The following RGN variants were observed in gnomAD, a reference collection of about 807,000 sequenced individuals.
RGN encodes the protein regucalcin, also known as epididymis secretory protein Li 41.
A neutral mutation model predicts 20.6 loss-of-function variants in RGN; 19 were observed. The observed-to-expected ratio is 0.92, with a 90% confidence interval of 0.64 to 1.35. The LOEUF is 1.35. Ranked by LOEUF, RGN falls within the 40% of genes most tolerant of loss-of-function variation. RGN has a pLI of 0.00. For missense variants in RGN, 302 were observed against 232.7 expected (o/e 1.30, Z -1.94); for synonymous variants, 85 against 87.2 (o/e 0.97, Z 0.14).
rs1930835934 is a variant in RGN at position 47,089,624 on chromosome X, C to CAG, written c.347-151_347-150insGA. On this transcript the variant is annotated intron_variant, in intron 4 of 7. Transcript: ENST00000397180. ...ACACACACACACACACACACACACA[C>CAG]ACACACACATATATATATATGGCCC... 9 of 166,335 alleles carry CAG rather than the reference C, an allele frequency of 5.4e-5. No homozygotes were observed. The East Asian group carries it at 1.1e-3, about 19-fold the overall frequency. 13.7% of individuals were successfully genotyped at this position (166,335 alleles called of 1,213,427 possible).
chrX:47,080,328 C>CT lies in RGN; in HGVS notation c.-623dup, dbSNP rs782116822. 2 of 112,188 alleles carry CT rather than the reference C, an allele frequency of 1.8e-5. No individual in the cohort carries two copies. The highest frequency in any genetic ancestry group is 3.8e-5 in the Non-Finnish European group (2 of 53,268). 9.2% of individuals were successfully genotyped at this position (112,188 alleles called of 1,213,427 possible). On this transcript the variant is annotated 5_prime_UTR_variant, in exon 2 of 8. Coordinates refer to ENST00000397180, the MANE Select transcript of RGN (RefSeq NM_152869.4). ...TTTCTCCTTTTCAGATAATTTTTCTCTGTCTTCTCCCAGTTCGCTGGTCAT... is the reference window on the plus strand; with the variant it reads ...TTTCTCCTTTTCAGATAATTTTTCTCTTGTCTTCTCCCAGTTCGCTGGTCAT...
chrX:47,081,056 C>T lies in RGN; in HGVS notation c.-15-74C>T. The stretch of plus-strand genomic sequence containing the variant: ...CTGGGGGAAGTGTATCCAGCCTTGC[C>T]AGTTCTTAGCCAGGTGTTTTACTGT... On this transcript the variant is annotated intron_variant, in intron 2 of 7. Coordinates refer to ENST00000397180, the MANE Select transcript of RGN (RefSeq NM_152869.4). 4 of 739,314 alleles carry T rather than the reference C, an allele frequency of 5.4e-6. No homozygotes were observed. The East Asian group carries it at 9.6e-5, about 18-fold the overall frequency. 60.9% of individuals were successfully genotyped at this position (739,314 alleles called of 1,213,427 possible).
At chrX:47,087,707 G>A in intron 4 of RGN, 1 of 107,748 alleles carries the variant, frequency 9.3e-6, no homozygotes, top group East Asian at 2.9e-4. Flanking sequence ...TGGGCCATCA[G>A]GAGACCTCTT....
chrX:47,081,031 C>A (rs1930273850), intron 2 of RGN, 95 bp downstream of exon 2: 1 of 578,222 alleles, frequency 1.7e-6, no homozygotes, highest in Non-Finnish European at 3.0e-6. Context: ...CTGCTCTGAT[C>A]TGGGGGAAGT....
chrX:47,090,915 GGAAAGAAAGA>G (rs1930935607), intron 5 of RGN, among the ~76,000 whole-genome samples: 57 of 51,884 alleles, frequency 1.1e-3, no homozygotes, highest in African/African-American at 4.9e-3. Context: ...GAAAGAAGAA[GGAAAGAAAGA>G]AAGAAAGAAA....
intron 4 of RGN, among the ~76,000 whole-genome samples, chrX:47,089,281 T>C (rs1215967082): frequency 1.1e-5 from 1 of 93,757 alleles, no homozygotes; most frequent in Admixed American, 1.4e-4. Flanking sequence ...CTCCTTCTTA[T>C]CTTGAACCAG....
At chrX:47,083,356 G>A (rs911564202) in intron 3 of RGN, among the ~76,000 whole-genome samples, 5 of 106,235 alleles carry the variant, frequency 4.7e-5, no homozygotes, top group Non-Finnish European at 1.9e-5. Context: ...TCAAGATCAC[G>A]ACACTGCACT....
In RGN at chrX:47,092,110, C is replaced by T; in HGVS notation, c.744C>T (p.Cys248=). The T allele has an allele frequency of 8.3e-7, 1 of 1,206,911 alleles. No individual in the cohort carries two copies. The highest frequency in any genetic ancestry group is 1.1e-6 in the Non-Finnish European group (1 of 891,799). ...VKLPVDKTTS[C]CFGGKNYSEM... ...TGCCTGTTGATAAAACAACTTCATG[C>T]TGCTTTGGAGGGAAGAATTACTCTG... Residue 248 remains cysteine, a synonymous_variant, in exon 7 of 8, where the codon TGC becomes TGT. Coordinates refer to ENST00000397180, the MANE Select transcript of RGN (RefSeq NM_152869.4).
intron 3 of RGN, among the ~76,000 whole-genome samples, chrX:47,083,580 T>C (rs1930443088): frequency 9.0e-6 from 1 of 111,722 alleles, no homozygotes; most frequent in African/African-American, 3.3e-5. Context: ...AGAAACAATT[T>C]GCAATTAAAT....
At chrX:47,082,886 A>G (rs999149135) in intron 3 of RGN, among the ~76,000 whole-genome samples, 2 of 108,555 alleles carry the variant, frequency 1.8e-5, no homozygotes, top group Non-Finnish European at 3.8e-5. Flanking sequence ...GGGATCCCCA[A>G]TGAGAGTGTG....
At position 47,091,789 on chromosome X, in the gene RGN, T is replaced by C. The variant is rs1293272812; in HGVS notation, c.674T>C (p.Ile225Thr). Reference sequence around the variant, plus strand: ...GCCTGTTACAATGGAGGAAGAGTGATTCGTTTAGATCCTGTGACAGGTAGG... The same window carrying C: ...GCCTGTTACAATGGAGGAAGAGTGACTCGTTTAGATCCTGTGACAGGTAGG... ...WVACYNGGRV[I>T]RLDPVTGKRL... Residue 225 changes from isoleucine (I) to threonine (T), a missense_variant, in exon 6 of 8, where the codon ATT (isoleucine) becomes ACT (threonine). By Grantham distance (89) the Ile-to-Thr change is moderately conservative. Coordinates refer to ENST00000397180, the MANE Select transcript of RGN (RefSeq NM_152869.4). 8.3e-7 allele frequency: 1 copy of C among 1,208,632 alleles called. No individual in the cohort carries two copies. The highest frequency in any genetic ancestry group is 1.1e-6 in the Non-Finnish European group (1 of 894,773).
chrX:47,092,822 A>C, intron 7 of RGN, 75 bp from the exon 8 acceptor site: 1 of 898,120 alleles, frequency 1.1e-6, no homozygotes, highest in Non-Finnish European at 1.6e-6. Context: ...ATATTACTAC[A>C]AATCATAAAA....
At chrX:47,084,386 ACT>A (rs782427558) in intron 3 of RGN, 30 bp from the exon 4 acceptor site, 6 of 1,146,343 alleles carry the variant, frequency 5.2e-6, no homozygotes, top group Non-Finnish European at 7.0e-6. Flanking sequence ...CTAAACTGGT[ACT>A]GTTTTTTAAC....
chrX:47,093,269 A>G lies in RGN; in HGVS notation c.*322A>G, dbSNP rs190745870. 4.2e-4 allele frequency: 92 copies of G among 217,868 alleles called. No homozygotes were observed. In the East Asian group the frequency reaches 7.5e-3, roughly 18 times the overall value. The allele number at this position is 217,868 out of a possible 1,213,427, so 18.0% of individuals were successfully genotyped here. ...TTGATTCTGCATTTCATACTTAACT[A>G]TATTAAAGCTTCAAGGAACAATAAA... On this transcript the variant is annotated 3_prime_UTR_variant, in exon 8 of 8. Transcript: ENST00000397180.
At chrX:47,089,600 C>A (rs1320321597) in intron 4 of RGN, among the ~76,000 whole-genome samples, 176 bp from the exon 5 acceptor site, 1 of 15,001 alleles carries the variant, frequency 6.7e-5, no homozygotes, top group African/African-American at 2.5e-4. Flanking sequence ...TATATATATA[C>A]ACACACACAC....
chrX:47,090,364 A>T (rs1301500854), intron 5 of RGN, among the ~76,000 whole-genome samples: 2 of 111,577 alleles, frequency 1.8e-5, no homozygotes, highest in African/African-American at 6.5e-5. Flanking sequence ...ATAATACTTA[A>T]TGGAGTATTG....
chrX:47,089,985 C>G lies in RGN; in HGVS notation c.556C>G (p.Gln186Glu). 1 of 1,167,744 alleles carries G rather than the reference C, an allele frequency of 8.6e-7. No homozygotes were observed. The highest frequency in any genetic ancestry group is 1.2e-6 in the Non-Finnish European group (1 of 862,315). ...CTTTGACTATGACCTGCAGACAGGA[C>G]AGATCTGTATGTATTTTTCATTATT... ...DAFDYDLQTG[Q>E]ISNRRSVYKL... The change falls in exon 5 of 8, where the codon CAG (glutamine) becomes GAG (glutamate). Residue 186 changes from glutamine (Q) to glutamate (E), a missense_variant. Transcript: ENST00000397180.
At chrX:47,086,498 A>G (rs1210629712) in intron 4 of RGN, among the ~76,000 whole-genome samples, 1 of 111,133 alleles carries the variant, frequency 9.0e-6, no homozygotes, top group Admixed American at 9.8e-5. Context: ...TCTGAAGGTC[A>G]AGAATCTGGG....
chrX:47,089,632 C>T (rs782483208), intron 4 of RGN, 144 bp from the exon 5 acceptor site: 331 of 203,475 alleles, frequency 1.6e-3, no homozygotes, highest in East Asian at 2.6e-3. Context: ...CACACACACA[C>T]ATATATATAT....
Sources: gnomAD v4.1 joint callset for allele counts (sites outside exome capture counted in the v4.1 genomes callset) on GRCh38, gnomAD v4.1.1 for gene constraint, MANE v1.5 for transcripts, NCBI Gene and HGNC (gene_info 2026-07-23, HGNC 2026-07-21) for gene names.